Variants in RTN1 observed in about 807,000 individuals in gnomAD.
The protein encoded by RTN1 is reticulon 1.
RTN1 carries 25 observed loss-of-function variants against 65.5 expected under a neutral mutation model. The ratio of observed to expected loss-of-function variants is 0.38; its 90% CI spans 0.28 to 0.53. The LOEUF (loss-of-function observed/expected upper bound fraction) is 0.53. Ranked by LOEUF, RTN1 falls within the 20% of genes least tolerant of loss-of-function variation. RTN1 has a pLI of 0.79. For missense variants in RTN1, 983 were observed against 1,025.4 expected (o/e 0.96, Z 0.57); for synonymous variants, 471 against 447.6 (o/e 1.05, Z -0.66).
intron 1 of RTN1, 33 bp from the exon 2 acceptor site, chr14:59,746,514 G>T: frequency 1.3e-6 from 2 of 1,526,196 alleles, no homozygotes; most frequent in Non-Finnish European, 1.8e-6. Context: ...ACAGTGAGTG[G>T]GTGCTTGGCG....
chr14:59,674,094 A>G (rs1043438713), intron 3 of RTN1, among the ~76,000 whole-genome samples: 1 of 152,118 alleles, frequency 6.6e-6, no homozygotes, highest in Non-Finnish European at 1.5e-5. Context: ...ACATCCCTTC[A>G]ATCTTCCCCC....
chr14:59,607,623 C>T, intron 3 of RTN1, 131 bp from the exon 4 acceptor site: 1 of 738,986 alleles, frequency 1.4e-6, no homozygotes, highest in Non-Finnish European at 2.3e-6. Flanking sequence ...CACAAGTGAG[C>T]AGACAGATGG....
At position 59,790,840 on chromosome 14, in the gene RTN1, G is replaced by A. The variant is rs1886334894; in HGVS notation, c.242-44359C>T. On this transcript the variant is annotated intron_variant, in intron 1 of 8. Coordinates refer to ENST00000267484, the MANE Select transcript of RTN1 (RefSeq NM_021136.3). This position sits in a 1 kb window ranked among gnomAD's most constrained non-coding sequence, Gnocchi z 4.1. ...TTTAACTCAGTATCTTATGTTTACT[G>A]GTTATTTGAAGCCCTTTCTTTTATG... 6.6e-6 allele frequency among the ~76,000 whole-genome samples: 1 copy of A among 151,808 alleles called. No homozygotes were observed. Among genetic ancestry groups the A allele is most frequent in the South Asian group, 2.1e-4 (1 of 4,812 alleles).
chr14:59,630,700 A>AGCGCG (rs1461179184), intron 3 of RTN1: 5 of 1,153,256 alleles, frequency 4.3e-6, no homozygotes, highest in Admixed American at 9.7e-5. Context: ...GCAGCGAATC[A>AGCGCG]GCGCGGCGCG....
Position 59,790,307 on chromosome 14 carries a change from A to G in RTN1, c.242-43826T>C, listed in dbSNP as rs1390824847. Among the ~76,000 whole-genome samples, 1 of 152,094 alleles carries G rather than the reference A, an allele frequency of 6.6e-6. No individual in the cohort carries two copies. Among genetic ancestry groups the G allele is most frequent in the Non-Finnish European group, 1.5e-5 (1 of 67,990 alleles). On this transcript the variant is annotated intron_variant, in intron 1 of 8. Coordinates refer to ENST00000267484, the MANE Select transcript of RTN1 (RefSeq NM_021136.3). The surrounding 1 kb of genome is among the most constrained non-coding windows in gnomAD (Gnocchi z 4.1). ...GACACACACACACACCTCTAGGAAAAAAGTAGTGGGAAATATGGCAACACA... is the reference window on the plus strand; with the variant it reads ...GACACACACACACACCTCTAGGAAAGAAGTAGTGGGAAATATGGCAACACA...
intron 3 of RTN1, among the ~76,000 whole-genome samples, chr14:59,720,376 G>C (rs17096560): frequency 0.023 from 3,575 of 152,250 alleles, 136 homozygotes; most frequent in African/African-American, 0.081. Context: ...GACCAGAAGA[G>C]CTCCTTCTAT....
chr14:59,762,946 G>T lies in RTN1; in HGVS notation c.242-16465C>A, dbSNP rs1198548810. 2.6e-5 allele frequency among the ~76,000 whole-genome samples: 4 copies of T among 152,224 alleles called. No homozygotes were observed. In the South Asian group the frequency reaches 6.2e-4, roughly 24 times the overall value. ...CAAAATCTAACTCACATGTTCTGCT[G>T]GTCATGAGACATTTGAAATTTACTT... On this transcript the variant is annotated intron_variant, in intron 1 of 8. Coordinates refer to ENST00000267484, the MANE Select transcript of RTN1 (RefSeq NM_021136.3).
At chr14:59,694,492 AGC>A (rs1884023652) in intron 3 of RTN1, among the ~76,000 whole-genome samples, 1 of 152,244 alleles carries the variant, frequency 6.6e-6, no homozygotes, top group East Asian at 1.9e-4. Flanking sequence ...TATATAACAA[AGC>A]ATAATTAAAT....
chr14:59,613,858 A>G (rs187971305), intron 3 of RTN1, among the ~76,000 whole-genome samples: 3 of 152,278 alleles, frequency 2.0e-5, no homozygotes, highest in Admixed American at 6.5e-5. Context: ...TTAAAAGCAG[A>G]TAAATCCCTC....
At chr14:59,629,586 T>A (rs1457152104) in intron 3 of RTN1, among the ~76,000 whole-genome samples, 1 of 152,232 alleles carries the variant, frequency 6.6e-6, no homozygotes, top group Non-Finnish European at 1.5e-5. Context: ...ACACAATTCA[T>A]TCTTGCAAAT....
intron 3 of RTN1, among the ~76,000 whole-genome samples, chr14:59,661,667 T>A (rs548109127): frequency 6.6e-6 from 1 of 152,212 alleles, no homozygotes; most frequent in Non-Finnish European, 1.5e-5. Context: ...ATTATTTCAA[T>A]AGATGAAGAA....
chr14:59,781,898 G>T (rs190703854), intron 1 of RTN1, among the ~76,000 whole-genome samples: 16 of 152,290 alleles, frequency 1.1e-4, no homozygotes. Context: ...ATTTCATGAA[G>T]ATATGATCCT....
At chr14:59,819,408 ACCACCACCCCCCCCCCACCCCCCACCCCC>A (rs1886886789) in intron 1 of RTN1, among the ~76,000 whole-genome samples, 1 of 18,756 alleles carries the variant, frequency 5.3e-5, no homozygotes, top group Non-Finnish European at 8.9e-5. Context: ...CATCCACACC[ACCACCACCCCCCCCCCACCCCCCACCCCC>A]CCCCCCCGGC....
intron 1 of RTN1, among the ~76,000 whole-genome samples, chr14:59,856,078 T>C (rs1289518168): frequency 1.3e-5 from 2 of 152,144 alleles, no homozygotes; most frequent in Admixed American, 6.5e-5. Context: ...GCCTGAGATA[T>C]AGGATGAAAA....
At chr14:59,793,706 A>G (rs1050767694) in intron 1 of RTN1, among the ~76,000 whole-genome samples, 1 of 151,910 alleles carries the variant, frequency 6.6e-6, no homozygotes, top group African/African-American at 2.4e-5. Flanking sequence ...CCAGATACAC[A>G]TTCTTTTTCC....
chr14:59,668,956 C>T (rs559828716), intron 3 of RTN1, among the ~76,000 whole-genome samples: 6 of 152,122 alleles, frequency 3.9e-5, no homozygotes, highest in Admixed American at 1.3e-4. Context: ...CAGGAAACAA[C>T]AGATGCTGGA....
At chr14:59,608,193 T>C (rs148701789) in intron 3 of RTN1, among the ~76,000 whole-genome samples, 1 of 152,204 alleles carries the variant, frequency 6.6e-6, no homozygotes, top group African/African-American at 2.4e-5. Flanking sequence ...GAAGGATCTA[T>C]GCAAATTTAC....
intron 3 of RTN1, among the ~76,000 whole-genome samples, chr14:59,635,045 A>T (rs905650021): frequency 6.6e-6 from 1 of 152,204 alleles, no homozygotes; most frequent in African/African-American, 2.4e-5. Flanking sequence ...GAAATGATAA[A>T]TTCTAGGGTT....
intron 3 of RTN1, among the ~76,000 whole-genome samples, chr14:59,609,687 GC>G (rs1027272658): frequency 6.6e-6 from 1 of 152,144 alleles, no homozygotes; most frequent in Non-Finnish European, 1.5e-5. Context: ...ACGGTCCGGG[GC>G]CTCCAGGTAT....
Sources: allele counts gnomAD v4.1 joint callset (sites outside exome capture counted in the v4.1 genomes callset), GRCh38; gene constraint gnomAD v4.1.1; non-coding constraint Gnocchi (gnomAD v3.1); transcripts MANE v1.5; gene names NCBI Gene and HGNC (gene_info 2026-07-23, HGNC 2026-07-21).